Variants in CCDC187 observed in about 807,000 individuals in gnomAD.
CCDC187 encodes coiled-coil domain-containing protein 187.
A neutral mutation model predicts 38.0 loss-of-function variants in CCDC187; 32 were observed. The ratio of observed to expected loss-of-function variants is 0.84; its 90% CI spans 0.64 to 1.13. CCDC187 has a LOEUF of 1.13. Among genes scored for constraint, CCDC187 ranks in the 50% most tolerant of loss-of-function variants. The probability of loss-of-function intolerance (pLI) is 0.00; values close to 1 mark genes in which losing one functional copy is unlikely to be tolerated. For synonymous variants in CCDC187, 333 were observed against 347.9 expected, an observed-to-expected ratio of 0.96 and a Z score of 0.48; for missense variants, 707 against 786.8, an observed-to-expected ratio of 0.90 and a Z score of 1.21.
rs1023873717 is a variant in CCDC187, at chr9:136,280,232, C to T, written c.3040+1319G>A. ...CCCACACACTGTGTATCCTCACTTGCTCATCTTCTTACTGCCCACTTGCCC... is the reference window on the plus strand; with the variant it reads ...CCCACACACTGTGTATCCTCACTTGTTCATCTTCTTACTGCCCACTTGCCC... On this transcript the variant is annotated intron_variant, in intron 10 of 25. Coordinates refer to ENST00000638797, the MANE Select transcript of CCDC187 (RefSeq NM_001378188.1). Among the ~76,000 whole-genome samples, 246 of 152,374 alleles carry T rather than the reference C, an allele frequency of 1.6e-3. 2 individuals are homozygous for T. Among genetic ancestry groups the T allele is most frequent in the African/African-American group, 5.3e-3 (220 of 41,592 alleles).
chr9:136,300,162 C>T (rs1032288223), intron 3 of CCDC187, 58 bp downstream of exon 3: 55 of 398,114 alleles, frequency 1.4e-4, no homozygotes, highest in Non-Finnish European at 2.2e-4. Flanking sequence ...GTGCTGCCCC[C>T]ATCATGGCCT....
Position 136,302,926 on chromosome 9 carries a change from A to T in CCDC187, c.511T>A (p.Ser171Thr). ...CTGGAGGGGGCTGAGGTGCCCAGGG[A>T]CGCACAGCTCCCCTGCTGCCACGCC... Reference protein sequence around the residue: ...AQAWQQGSCASLGTSAPSSAS... With the variant: ...AQAWQQGSCATLGTSAPSSAS... The change falls in exon 2 of 26, where the codon TCC becomes ACC. Residue 171 changes from serine to threonine, a missense_variant. Transcript: ENST00000638797. 1 of 398,578 alleles carries T rather than the reference A, an allele frequency of 2.5e-6. No individual in the cohort carries two copies. The highest frequency in any genetic ancestry group is 4.4e-6 in the Non-Finnish European group (1 of 226,102). 24.7% of individuals were successfully genotyped at this position (398,578 alleles called of 1,614,324 possible).
At chr9:136,275,828 C>G (rs1830921568) in intron 12 of CCDC187, among the ~76,000 whole-genome samples, 1 of 152,154 alleles carries the variant, frequency 6.6e-6, no homozygotes, top group Non-Finnish European at 1.5e-5. Flanking sequence ...GGCAAGAGAC[C>G]TGCCGGGGGT....
In CCDC187 at chr9:136,303,197, G is replaced by A. The variant is rs916757142; in HGVS notation, c.240C>T (p.Val80=). 3.5e-5 allele frequency: 14 copies of A among 398,378 alleles called. No homozygotes were observed. The highest frequency in any genetic ancestry group is 8.8e-5 in the Admixed American group (2 of 22,726). 24.7% of individuals were successfully genotyped at this position (398,378 alleles called of 1,614,324 possible). ...CTGGTTCCTTGAGGTCGTCAGACCC[G>A]ACCACGTGGGGAGCTGCCCAGGGTG... ...PDPPWAAPHV[V]GSDDLKEPGP... The change falls in exon 2 of 26, where the codon GTC becomes GTT. Residue 80 remains valine, a synonymous_variant. Transcript: ENST00000638797.
At position 136,291,251 on chromosome 9, in the gene CCDC187, A is replaced by G. The variant is rs1831321750; in HGVS notation, c.1362T>C (p.Thr454=). ...VHTWEPWSSS[T]ARESCPQRAW... Reference sequence around the variant, plus strand: ...CCCTCTGCGGACAGGACTCCCGTGCAGTGGAGGAGCTCCAGGGCTCCCAGG... The same window carrying G: ...CCCTCTGCGGACAGGACTCCCGTGCGGTGGAGGAGCTCCAGGGCTCCCAGG... The change falls in exon 6 of 26, where the codon ACT becomes ACC. Residue 454 remains threonine, a synonymous_variant. Coordinates refer to ENST00000638797, the MANE Select transcript of CCDC187 (RefSeq NM_001378188.1). 2 of 398,650 alleles carry G rather than the reference A, an allele frequency of 5.0e-6. No homozygotes were observed. Among genetic ancestry groups the G allele is most frequent in the Non-Finnish European group, 8.8e-6 (2 of 226,182 alleles). The allele number at this position is 398,650 out of a possible 1,614,324, so 24.7% of individuals were successfully genotyped here.
chr9:136,298,326 G>A (rs940136608), intron 3 of CCDC187, among the ~76,000 whole-genome samples: 1 of 152,088 alleles, frequency 6.6e-6, no homozygotes, highest in Non-Finnish European at 1.5e-5. Flanking sequence ...GGCCAGACCT[G>A]GGGGGGCCTT....
rs1167092867 is a variant in CCDC187 at position 136,257,772 on chromosome 9, T to G, written c.4367-931A>C. 3.3e-5 allele frequency among the ~76,000 whole-genome samples: 5 copies of G among 152,256 alleles called. No homozygotes were observed. The highest frequency in any genetic ancestry group is 9.6e-5 in the African/African-American group (4 of 41,470). ...GGGAAGCTCCATCAGTGGGAACACC[T>G]GCCCTCTTGTCCGTGGCTCCGGGTG... On this transcript the variant is annotated intron_variant, in intron 22 of 25. Transcript: ENST00000638797. The surrounding 1 kb of genome is among the most constrained non-coding windows in gnomAD (Gnocchi z 4.5).
At chr9:136,298,471 C>T (rs1831590473) in intron 3 of CCDC187, among the ~76,000 whole-genome samples, 1 of 152,028 alleles carries the variant, frequency 6.6e-6, no homozygotes, top group Non-Finnish European at 1.5e-5. Flanking sequence ...GGTCATCTTT[C>T]CCTGCTTCCG....
At chr9:136,268,986 G>A (rs945732340) in intron 14 of CCDC187, among the ~76,000 whole-genome samples, 7 of 152,182 alleles carry the variant, frequency 4.6e-5, no homozygotes, top group African/African-American at 7.2e-5. Flanking sequence ...GGAGTTTGTG[G>A]GGGCAGAGTG....
rs1830542639 is a variant in CCDC187, at chr9:136,251,871, CGGG to C, written c.*1720_*1722del. ...AGCCGGCCACCCACCCGGTCCACCCCGGGAAGGTCCAGGCGACCGTCCCGCGGA... is the reference window on the plus strand; with the variant it reads ...AGCCGGCCACCCACCCGGTCCACCCCAAGGTCCAGGCGACCGTCCCGCGGA... On this transcript the variant is annotated 3_prime_UTR_variant, in exon 26 of 26. Transcript: ENST00000638797. The C allele has an allele frequency of 1.4e-5, 2 of 138,868 alleles. No homozygotes were observed. Among genetic ancestry groups the C allele is most frequent in the Non-Finnish European group, 1.6e-5 (1 of 62,536 alleles). The allele number at this position is 138,868 out of a possible 1,614,324, so 8.6% of individuals were successfully genotyped here.
chr9:136,255,165 C>T (rs556059500), intron 25 of CCDC187, 31 bp from the exon 26 acceptor site: 3 of 971,920 alleles, frequency 3.1e-6, no homozygotes, highest in South Asian at 9.5e-5. Flanking sequence ...CAGTGGTCAC[C>T]CTCTGCACCC....
chr9:136,301,081 C>T (rs1338389798), intron 2 of CCDC187, among the ~76,000 whole-genome samples: 1 of 152,130 alleles, frequency 6.6e-6, no homozygotes, highest in East Asian at 1.9e-4. Context: ...TCATGCTGTG[C>T]CCTGGGTGGG....
rs1391413262 is a variant in CCDC187, at chr9:136,290,661, C to A, written c.1952G>T (p.Arg651Leu). 15 of 398,516 alleles carry A rather than the reference C, an allele frequency of 3.8e-5. 1 individual carries two copies. The South Asian group carries it at 1.9e-3, about 51-fold the overall frequency. The allele number at this position is 398,516 out of a possible 1,614,324, so 24.7% of individuals were successfully genotyped here. A position where few individuals can be genotyped will look rare whatever the true frequency, so the allele number is the denominator to read the frequency against. Residue 651 changes from arginine to leucine, a missense_variant, in exon 6 of 26, where the codon CGG (arginine) becomes CTG (leucine). Transcript: ENST00000638797. ...GGCCTTCTCCTCCAGGGCCTGCCGC[C>A]GCCGGGCCTGCGCCTTCTGGCGCAT... ...EFMRQKAQAR[R>L]RQALEEKASA...
intron 19 of CCDC187, 100 bp downstream of exon 19, chr9:136,262,211 G>A (rs1830687591): frequency 1.0e-6 from 1 of 967,526 alleles, no homozygotes; most frequent in African/African-American, 1.8e-5. Flanking sequence ...CGGCCCCTGA[G>A]CCAGGCTCGT....
intron 9 of CCDC187, among the ~76,000 whole-genome samples, chr9:136,284,986 G>T (rs996648241): frequency 3.9e-5 from 6 of 152,102 alleles, no homozygotes; most frequent in African/African-American, 1.4e-4. Context: ...CAGGGGGAGG[G>T]AGTTGGGCTG....
At chr9:136,305,044 G>A (rs950345455), upstream of CCDC187, among the ~76,000 whole-genome samples, 1 of 152,220 alleles carries the variant, frequency 6.6e-6, no homozygotes, top group African/African-American at 2.4e-5. Flanking sequence ...CAAGCCAAAC[G>A]GGGCCCTGGC....
At chr9:136,277,012 C>G (rs1830944941) in intron 10 of CCDC187, among the ~76,000 whole-genome samples, 1 of 152,032 alleles carries the variant, frequency 6.6e-6, no homozygotes, top group Non-Finnish European at 1.5e-5. Context: ...CCTGCTAAGG[C>G]TGGCTCTGCC....
rs1449251715 is a variant in CCDC187, at chr9:136,304,061, C to A, written c.-231G>T. 6.6e-6 allele frequency: 1 copy of A among 152,244 alleles called. No individual in the cohort carries two copies. The highest frequency in any genetic ancestry group is 1.5e-5 in the Non-Finnish European group (1 of 68,104). The allele number at this position is 152,244 out of a possible 1,614,324, so 9.4% of individuals were successfully genotyped here. Reference sequence around the variant, plus strand: ...TGGGCTGGCACGGTGGGCAGCCCGGCCCTGGGCTGGCCACAGCTGGGGGCC... The same window carrying A: ...TGGGCTGGCACGGTGGGCAGCCCGGACCTGGGCTGGCCACAGCTGGGGGCC... On this transcript the variant is annotated 5_prime_UTR_variant, in exon 1 of 26. Transcript: ENST00000638797.
At chr9:136,301,904 T>A (rs1159362176) in intron 2 of CCDC187, among the ~76,000 whole-genome samples, 11 of 152,082 alleles carry the variant, frequency 7.2e-5, no homozygotes, top group African/African-American at 2.7e-4. Flanking sequence ...TTTTTTTTAA[T>A]CAGAAGTTAT....
Sources: allele counts gnomAD v4.1 joint callset (sites outside exome capture counted in the v4.1 genomes callset), GRCh38; gene constraint gnomAD v4.1.1; non-coding constraint Gnocchi (gnomAD v3.1); transcripts MANE v1.5; gene names NCBI Gene and HGNC (gene_info 2026-07-23, HGNC 2026-07-21).